STX1B: variants seen among roughly 807,000 people sequenced by gnomAD.
STX1B encodes syntaxin-1B.
Under a neutral mutation model 39.4 loss-of-function variants are expected in STX1B, and 7 were observed. The ratio of observed to expected loss-of-function variants is 0.18; its 90% confidence interval spans 0.10 to 0.33. The LOEUF (loss-of-function observed/expected upper bound fraction) is 0.33. Among genes scored for constraint, STX1B ranks in the 10% least tolerant of loss-of-function variants. STX1B has a pLI of 1.00. For missense variants in STX1B, 198 were observed against 383.2 expected, an observed-to-expected ratio of 0.52 and a Z score of 4.04; for synonymous variants, 136 against 144.1, an observed-to-expected ratio of 0.94 and a Z score of 0.40.
Position 31,001,191 on chromosome 16 carries a change from C to T in STX1B, c.108G>A (p.Val36=), listed in dbSNP as rs758008534. ...TCTCAATGCAGCCCCGGATCTCTTC[C>T]ACCTGGAGCAGAAAATCGGCTATAC... ...DHFMDEFFEQ[V]EEIRGCIEKL... Residue 36 remains valine (V), a splice_region_variant and synonymous_variant, in exon 3 of 10, where the codon GTG becomes GTA. Coordinates refer to ENST00000215095, the MANE Select transcript of STX1B (RefSeq NM_052874.5). The surrounding 1 kb of genome is among the most constrained non-coding windows in gnomAD (Gnocchi z 5.5). 1.1e-5 allele frequency: 18 copies of T among 1,613,446 alleles called. No individual in the cohort carries two copies. In the Admixed American group the frequency reaches 2.3e-4, roughly 21 times the overall value.
chr16:30,997,070 G>T lies in STX1B; in HGVS notation c.355-11C>A, dbSNP rs767971252. ...GGACAGTGTGGAGTGCTACGGTGGG[G>T]GTGGGGGGACAGACGGATCAGGGAG... On this transcript the variant is annotated splice_polypyrimidine_tract_variant and intron_variant, in intron 5 of 9. Transcript: ENST00000215095. 2 of 1,593,564 alleles carry T rather than the reference G, an allele frequency of 1.3e-6. No homozygotes were observed. The highest frequency in any genetic ancestry group is 1.7e-6 in the Non-Finnish European group (2 of 1,162,146).
chr16:30,999,286 C>A (rs1170149617), intron 4 of STX1B, among the ~76,000 whole-genome samples: 2 of 152,176 alleles, frequency 1.3e-5, no homozygotes, highest in African/African-American at 4.8e-5. Context: ...TCACATATGG[C>A]CTCCCCTCCA....
chr16:31,010,191 C>T (rs1189494176), intron 1 of STX1B, among the ~76,000 whole-genome samples, 176 bp downstream of exon 1: 1 of 152,090 alleles, frequency 6.6e-6, no homozygotes, highest in African/African-American at 2.4e-5. Context: ...GGCACTGTCC[C>T]CAAAATGCAG....
At chr16:31,008,359 C>T (rs901760831) in intron 1 of STX1B, among the ~76,000 whole-genome samples, 13 of 151,948 alleles carry the variant, frequency 8.6e-5, no homozygotes, top group Non-Finnish European at 1.8e-4. Flanking sequence ...GGATTCCTTA[C>T]CTCTGAGCAG....
chr16:31,006,842 C>T (rs576132459), intron 1 of STX1B, among the ~76,000 whole-genome samples: 18 of 152,256 alleles, frequency 1.2e-4, no homozygotes, highest in Non-Finnish European at 2.4e-4. Flanking sequence ...CAGCCGAGCG[C>T]GGTGGCTCAT....
intron 7 of STX1B, among the ~76,000 whole-genome samples, chr16:30,995,710 C>G (rs568178762): frequency 1.3e-5 from 2 of 151,986 alleles, no homozygotes; most frequent in South Asian, 2.1e-4. Context: ...AGGCTGGTCT[C>G]GAACTCCTGA....
chr16:31,001,136 T>C lies in STX1B; in HGVS notation c.163A>G (p.Lys55Glu), dbSNP rs1463703956. 3 of 1,614,084 alleles carry C rather than the reference T, an allele frequency of 1.9e-6. No individual in the cohort carries two copies. ...GCGGCCAGGATGGCGCTATGCTGTT[T>C]TTTCACCTGCTCCACATCCTCCGAC... ...KLSEDVEQVK[K>E]QHSAILAAPN... The change falls in exon 3 of 10, where the codon AAA becomes GAA. Residue 55 changes from lysine to glutamate, a missense_variant. Physicochemically the swap from Lys to Glu is moderately conservative, Grantham distance 56. Transcript: ENST00000215095. This position sits in a 1 kb window ranked among gnomAD's most constrained non-coding sequence, Gnocchi z 5.5.
intron 7 of STX1B, chr16:30,996,425 G>A (rs1173328171): frequency 1.7e-5 from 7 of 414,372 alleles, no homozygotes; most frequent in East Asian, 4.2e-5. Context: ...TTTCCTCGAA[G>A]GGGATGTGTG....
At chr16:30,996,257 G>A (rs1302386655) in intron 7 of STX1B, 2 of 157,536 alleles carry the variant, frequency 1.3e-5, no homozygotes, top group African/African-American at 4.8e-5. Context: ...CTGGTGAAAC[G>A]ACTTGCTTCA....
chr16:30,997,355 G>A, intron 5 of STX1B, 147 bp downstream of exon 5: 2 of 301,716 alleles, frequency 6.6e-6, no homozygotes, highest in South Asian at 3.0e-5. Context: ...CCAGGGCCCC[G>A]CCCGCTCTAG....
intron 5 of STX1B, 44 bp downstream of exon 5, chr16:30,997,458 G>A (rs758517359): frequency 1.3e-6 from 2 of 1,486,830 alleles, no homozygotes; most frequent in South Asian, 2.4e-5. Flanking sequence ...GGCTCCTCCC[G>A]AGCTGGGTCC....
chr16:30,989,736 ACAT>A lies in STX1B; in HGVS notation c.*3082_*3084del, dbSNP rs909378491. The A allele has an allele frequency of 1.0e-4, 16 of 152,544 alleles. No homozygotes were observed. The highest frequency in any genetic ancestry group is 1.8e-4 in the Non-Finnish European group (12 of 68,146). The allele number at this position is 152,544 out of a possible 1,614,324, so 9.4% of individuals were successfully genotyped here. On this transcript the variant is annotated 3_prime_UTR_variant, in exon 10 of 10. Coordinates refer to ENST00000215095, the MANE Select transcript of STX1B (RefSeq NM_052874.5). ...GGGGGGCAGGGTGAATGCATAGAAC[ACAT>A]CATGTGTACACGCTCAGGGCGTGGC...
At chr16:31,010,240 G>C (rs1313824834) in intron 1 of STX1B, 127 bp downstream of exon 1, 3 of 651,884 alleles carry the variant, frequency 4.6e-6, no homozygotes, top group Non-Finnish European at 7.0e-6. Flanking sequence ...AGATACTGGG[G>C]TGCTCCGGCT....
chr16:30,995,075 C>CTT (rs1435136244), intron 7 of STX1B, among the ~76,000 whole-genome samples: 5 of 151,932 alleles, frequency 3.3e-5, no homozygotes, highest in African/African-American at 9.7e-5. Context: ...CCATGCCTGG[C>CTT]TAATTAAAGC....
rs1052215933 is a variant in STX1B at position 30,990,134 on chromosome 16, G to C, written c.*2687C>G. ...AGCTGTGGGCCCAATGCCACTCCAG[G>C]TGGGGGGAGTGGTGCCCCAGCCACG... On this transcript the variant is annotated 3_prime_UTR_variant, in exon 10 of 10. Transcript: ENST00000215095. The C allele has an allele frequency of 6.6e-6, 1 of 152,270 alleles. No homozygotes were observed. Among genetic ancestry groups the C allele is most frequent in the African/African-American group, 2.4e-5 (1 of 41,456 alleles). 9.4% of individuals were successfully genotyped at this position (152,270 alleles called of 1,614,324 possible).
intron 5 of STX1B, 80 bp downstream of exon 5, chr16:30,997,422 G>C: frequency 7.7e-7 from 1 of 1,298,088 alleles, no homozygotes; most frequent in South Asian, 1.3e-5. Flanking sequence ...CCGGTGCTTG[G>C]CCCTGGCCCG....
At chr16:31,009,144 C>T (rs1234668540) in intron 1 of STX1B, among the ~76,000 whole-genome samples, 1 of 152,134 alleles carries the variant, frequency 6.6e-6, no homozygotes. Context: ...TGTCTGTAAC[C>T]TGGGTCCCCA....
rs1440624544 is a variant in STX1B at position 30,989,743 on chromosome 16, G to A, written c.*3078C>T. The A allele has an allele frequency of 6.6e-6, 1 of 152,402 alleles. No individual in the cohort carries two copies. The highest frequency in any genetic ancestry group is 1.5e-5 in the Non-Finnish European group (1 of 68,132). The allele number at this position is 152,402 out of a possible 1,614,324, so 9.4% of individuals were successfully genotyped here. A position where few individuals can be genotyped will look rare whatever the true frequency, so the allele number is the denominator to read the frequency against. On this transcript the variant is annotated 3_prime_UTR_variant, in exon 10 of 10. Transcript: ENST00000215095. ...AGGGTGAATGCATAGAACACATCAT[G>A]TGTACACGCTCAGGGCGTGGCAAGA... is the stretch of plus-strand genomic sequence containing the variant.
At chr16:30,995,433 G>A (rs2056586855) in intron 7 of STX1B, among the ~76,000 whole-genome samples, 1 of 151,988 alleles carries the variant, frequency 6.6e-6, no homozygotes, top group Admixed American at 6.6e-5. Context: ...TGGGCAGGCC[G>A]GGGCAAAAGT....
Sources: allele counts gnomAD v4.1 joint callset (sites outside exome capture counted in the v4.1 genomes callset), GRCh38; gene constraint gnomAD v4.1.1; non-coding constraint Gnocchi (gnomAD v3.1); transcripts MANE v1.5; gene names NCBI Gene and HGNC (gene_info 2026-07-23, HGNC 2026-07-21).